Variants in DCAF4 observed in about 807,000 individuals in gnomAD.
DCAF4 encodes the protein DDB1- and CUL4-associated factor 4.
A neutral mutation model predicts 60.9 loss-of-function variants in DCAF4; 37 were observed. The observed-to-expected ratio is 0.61, with a 90% confidence interval of 0.47 to 0.80. The LOEUF (loss-of-function observed/expected upper bound fraction) is 0.80, where lower values mean the gene tolerates loss of function less well. DCAF4 is among the 30% of genes least tolerant of loss of function. The pLI is 0.00. For synonymous variants in DCAF4, 243 were observed against 254.8 expected, an observed-to-expected ratio of 0.95 and a Z score of 0.44; for missense variants, 577 against 650.0, an observed-to-expected ratio of 0.89 and a Z score of 1.22.
intron 1 of DCAF4, among the ~76,000 whole-genome samples, chr14:72,928,888 C>T (rs1455997360): frequency 6.6e-6 from 1 of 152,158 alleles, no homozygotes; most frequent in South Asian, 2.1e-4. Flanking sequence ...CTGGAGAGCC[C>T]CAAGGGGAGA....
intron 8 of DCAF4, among the ~76,000 whole-genome samples, chr14:72,947,544 G>A (rs1459261204): frequency 6.6e-6 from 1 of 152,234 alleles, no homozygotes; most frequent in Non-Finnish European, 1.5e-5. Flanking sequence ...TGTGACGGGA[G>A]GCTCTGGGTT....
At chr14:72,951,935 G>A (rs1891473901) in intron 9 of DCAF4, 58 bp downstream of exon 9, 2 of 1,593,162 alleles carry the variant, frequency 1.3e-6, no homozygotes, top group Non-Finnish European at 1.7e-6. Flanking sequence ...AGCTGTGTGG[G>A]GGTGGCTTAG....
At chr14:72,946,091 G>C (rs1890704290) in intron 7 of DCAF4, 64 bp downstream of exon 7, 1 of 1,585,872 alleles carries the variant, frequency 6.3e-7, no homozygotes, top group South Asian at 1.1e-5. Flanking sequence ...GCCAAATTCA[G>C]GGTAGAGGAG....
intron 6 of DCAF4, among the ~76,000 whole-genome samples, chr14:72,944,397 G>T (rs1434434354): frequency 6.6e-6 from 1 of 152,084 alleles, no homozygotes; most frequent in Admixed American, 6.5e-5. Context: ...CTCGTGTGTG[G>T]GTCTGTATTT....
At chr14:72,933,474 G>A (rs977022956) in intron 1 of DCAF4, among the ~76,000 whole-genome samples, 4 of 150,730 alleles carry the variant, frequency 2.7e-5, no homozygotes, top group African/African-American at 7.3e-5. Context: ...CAGAAGAATC[G>A]CTTGAACCCA....
chr14:72,928,767 C>T (rs1459104877), intron 1 of DCAF4, among the ~76,000 whole-genome samples: 1 of 152,080 alleles, frequency 6.6e-6, no homozygotes, highest in Non-Finnish European at 1.5e-5. Context: ...CCCCAGGGTG[C>T]CCCAGTCTCA....
intron 12 of DCAF4, 33 bp downstream of exon 12, chr14:72,955,729 G>A (rs778995330): frequency 6.3e-7 from 1 of 1,585,272 alleles, no homozygotes; most frequent in Non-Finnish European, 8.6e-7. Context: ...AGGCCACAGG[G>A]TCTCGTGGCC....
chr14:72,959,628 A>G lies in DCAF4; in HGVS notation c.*823A>G, dbSNP rs1339569551. On this transcript the variant is annotated 3_prime_UTR_variant, in exon 14 of 14. Transcript: ENST00000358377. Reference sequence around the variant, plus strand: ...TAAAGAGCCTGTTTTTCTACCAAACAATAAAACCAAGAGAAGAATCATGGT... The same window carrying G: ...TAAAGAGCCTGTTTTTCTACCAAACGATAAAACCAAGAGAAGAATCATGGT... 1.0e-6 allele frequency: 1 copy of G among 985,356 alleles called. No individual in the cohort carries two copies. Among genetic ancestry groups the G allele is most frequent in the East Asian group, 1.1e-4 (1 of 8,834 alleles). 61.0% of individuals were successfully genotyped at this position (985,356 alleles called of 1,614,324 possible).
intron 1 of DCAF4, chr14:72,935,181 A>G (rs1213026278): frequency 1.3e-5 from 2 of 152,238 alleles, no homozygotes; most frequent in Non-Finnish European, 2.9e-5. Context: ...TAAAAGTACT[A>G]GAAAGGTACT....
At chr14:72,953,780 A>G (rs1017426835) in intron 9 of DCAF4, among the ~76,000 whole-genome samples, 88 of 13,352 alleles carry the variant, frequency 6.6e-3, no homozygotes, top group Non-Finnish European at 0.012. Flanking sequence ...TTATTTATTT[A>G]TTTGTGTGTG....
At chr14:72,955,493 C>T (rs1198178452) in intron 11 of DCAF4, 30 bp from the exon 12 acceptor site, 17 of 1,604,986 alleles carry the variant, frequency 1.1e-5, no homozygotes, top group East Asian at 4.5e-5. Flanking sequence ...GTCATGATAG[C>T]CAGGCACTGA....
At chr14:72,930,368 A>G (rs1300745354) in intron 1 of DCAF4, among the ~76,000 whole-genome samples, 2 of 151,942 alleles carry the variant, frequency 1.3e-5, no homozygotes, top group Non-Finnish European at 2.9e-5. Context: ...TCCCGGGTTC[A>G]AGCGATTGTT....
intron 1 of DCAF4, chr14:72,929,519 G>T: frequency 1.4e-6 from 1 of 722,964 alleles, no homozygotes; most frequent in Non-Finnish European, 2.4e-6. Context: ...CGGCAACAAA[G>T]CGAGACCCCG....
At chr14:72,940,090 C>T in intron 3 of DCAF4, 130 bp from the exon 4 acceptor site, 1 of 1,334,336 alleles carries the variant, frequency 7.5e-7, no homozygotes, top group Non-Finnish European at 1.1e-6. Flanking sequence ...TGTTGCCTGA[C>T]AAGGCAGCTC....
chr14:72,946,063 T>G, intron 7 of DCAF4, 36 bp downstream of exon 7: 1 of 1,608,946 alleles, frequency 6.2e-7, no homozygotes, highest in South Asian at 1.1e-5. Context: ...TCTGCACACT[T>G]GACCCTGGGG....
Position 72,959,594 on chromosome 14 carries a change from A to G in DCAF4, c.*789A>G. 1 of 985,488 alleles carries G rather than the reference A, an allele frequency of 1.0e-6. No homozygotes were observed. The highest frequency in any genetic ancestry group is 1.2e-6 in the Non-Finnish European group (1 of 829,940). The allele number at this position is 985,488 out of a possible 1,614,324, so 61.0% of individuals were successfully genotyped here. A position where few individuals can be genotyped will look rare whatever the true frequency, so the allele number is the denominator to read the frequency against. On this transcript the variant is annotated 3_prime_UTR_variant, in exon 14 of 14. Transcript: ENST00000358377. ...AGGAGCGACAGTTCGTGAGATGTTT[A>G]TTCAGTGTTAAAGAGCCTGTTTTTC... is the stretch of plus-strand genomic sequence containing the variant.
intron 1 of DCAF4, among the ~76,000 whole-genome samples, chr14:72,927,681 G>A (rs1406739271): frequency 6.6e-6 from 1 of 151,964 alleles, no homozygotes; most frequent in Admixed American, 6.6e-5. Context: ...AACCAGGCCT[G>A]GGGGTCCTAC....
Position 72,940,494 on chromosome 14 carries a change from G to C in DCAF4, c.351+117G>C, listed in dbSNP as rs1215558513. 4.6e-6 allele frequency: 5 copies of C among 1,097,426 alleles called. No individual in the cohort carries two copies. The Admixed American group carries it at 1.0e-4, about 23-fold the overall frequency. The allele number at this position is 1,097,426 out of a possible 1,614,324, so 68.0% of individuals were successfully genotyped here. On this transcript the variant is annotated intron_variant, in intron 4 of 13. Transcript: ENST00000358377. ...GCGACACTTAGCAGAGGCACTTCAG[G>C]GGGTGTGGCCCTAGCTTTTCCCTGA...
chr14:72,957,017 C>T (rs1391709764), intron 13 of DCAF4: 1 of 162,074 alleles, frequency 6.2e-6, no homozygotes, highest in African/African-American at 2.4e-5. Context: ...TTGAGACCAT[C>T]CTGGCCAACA....
Sources: gnomAD v4.1 joint callset for allele counts (sites outside exome capture counted in the v4.1 genomes callset) on GRCh38, gnomAD v4.1.1 for gene constraint, MANE v1.5 for transcripts, NCBI Gene and HGNC (gene_info 2026-07-23, HGNC 2026-07-21) for gene names.